The following PCYT1A variants were observed in gnomAD, a reference collection of about 807,000 sequenced individuals.
PCYT1A encodes the protein phosphate cytidylyltransferase 1A, choline, also known as choline-phosphate cytidylyltransferase A.
A neutral mutation model predicts 43.7 loss-of-function variants in PCYT1A; 25 were observed. The ratio of observed to expected loss-of-function variants is 0.57; its 90% CI spans 0.42 to 0.80. The LOEUF is 0.80. Among genes scored for constraint, PCYT1A ranks in the 30% least tolerant of loss-of-function variants. The pLI is 0.00. For missense variants in PCYT1A, 421 were observed against 474.2 expected (o/e 0.89, Z 1.04); for synonymous variants, 172 against 170.7 (o/e 1.01, Z -0.06).
Position 196,271,034 on chromosome 3 carries a change from A to T in PCYT1A, c.-10-493T>A, listed in dbSNP as rs146811832. Among the ~76,000 whole-genome samples, 1,307 of 151,950 alleles carry T rather than the reference A, an allele frequency of 8.6e-3. 19 individuals are homozygous for T. The highest frequency in any genetic ancestry group is 0.03 in the African/African-American group (1,250 of 41,438). ...ACAAAACACGGATTTCTTAACTCTA[A>T]TTTTTTTTAAGACGGGGTCTCACTC... On this transcript the variant is annotated intron_variant, in intron 1 of 8. Coordinates refer to ENST00000431016, the MANE Select transcript of PCYT1A (RefSeq NM_001312673.2).
chr3:196,248,732 T>G (rs904603824), intron 3 of PCYT1A, among the ~76,000 whole-genome samples: 1 of 151,816 alleles, frequency 6.6e-6, no homozygotes. Flanking sequence ...TGTGTGACAG[T>G]TCCATGACTG....
At chr3:196,254,344 A>C (rs1004571777) in intron 3 of PCYT1A, among the ~76,000 whole-genome samples, 1 of 151,196 alleles carries the variant, frequency 6.6e-6, no homozygotes, top group African/African-American at 2.4e-5. Context: ...TATTTTTTTA[A>C]TTTTTATTTA....
At chr3:196,279,203 A>G (rs12629949) in intron 1 of PCYT1A, among the ~76,000 whole-genome samples, 54,463 of 149,910 alleles carry the variant, frequency 0.36, 10,619 homozygotes, top group East Asian at 0.81. Flanking sequence ...CAGGAGAATC[A>G]TTTGAACCCA....
rs545127933 is a variant in PCYT1A at position 196,250,763 on chromosome 3, A to G, written c.218-2440T>C. On this transcript the variant is annotated intron_variant, in intron 3 of 8. Coordinates refer to ENST00000431016, the MANE Select transcript of PCYT1A (RefSeq NM_001312673.2). ...GCTGAGGCTGAGGATCAGATATATT[A>G]TGCCGAGGTTGAGGACCAGATACAC... 3 of 166,764 alleles carry G rather than the reference A, an allele frequency of 1.8e-5. No individual in the cohort carries two copies. In the Admixed American group the frequency reaches 1.9e-4, roughly 11 times the overall value. 10.3% of individuals were successfully genotyped at this position (166,764 alleles called of 1,614,324 possible). A position where few individuals can be genotyped will look rare whatever the true frequency, so the allele number is the denominator to read the frequency against.
At chr3:196,279,330 GT>G (rs76358128) in intron 1 of PCYT1A, among the ~76,000 whole-genome samples, 54,248 of 149,074 alleles carry the variant, frequency 0.36, 10,564 homozygotes, top group East Asian at 0.81. Context: ...TACAGCAATT[GT>G]TAAGACCTGA....
rs1488173513 is a variant in PCYT1A at position 196,234,789 on chromosome 3, T to A, written c.*3899A>T. On this transcript the variant is annotated 3_prime_UTR_variant, in exon 9 of 9. Coordinates refer to ENST00000431016, the MANE Select transcript of PCYT1A (RefSeq NM_001312673.2). ...AGAAAATTAACATTTAATGGTATAA[T>A]CCCAAGAACATGTTCTACTTATTTA... 3 of 152,114 alleles carry A rather than the reference T, an allele frequency of 2.0e-5. No individual in the cohort carries two copies. Among genetic ancestry groups the A allele is most frequent in the African/African-American group, 7.2e-5 (3 of 41,412 alleles). The allele number at this position is 152,114 out of a possible 1,614,324, so 9.4% of individuals were successfully genotyped here.
intron 7 of PCYT1A, 127 bp from the exon 8 acceptor site, chr3:196,239,862 T>TA: frequency 1.5e-6 from 1 of 663,500 alleles, no homozygotes; most frequent in Non-Finnish European, 2.7e-6. Context: ...TGCTTTGCTT[T>TA]AATCTACCCC....
At chr3:196,243,496 CTCTCCCCTCTCCCT>C (rs1179117544) in intron 5 of PCYT1A, among the ~76,000 whole-genome samples, 3 of 151,596 alleles carry the variant, frequency 2.0e-5, no homozygotes, top group African/African-American at 2.4e-5. Context: ...AGTTTTCTCC[CTCTCCCCTCTCCCT>C]TCTCCCCTCT....
chr3:196,277,872 C>G lies in PCYT1A; in HGVS notation c.-10-7331G>C, dbSNP rs1369099881. Among the ~76,000 whole-genome samples, 1 of 152,172 alleles carries G rather than the reference C, an allele frequency of 6.6e-6. No individual in the cohort carries two copies. The highest frequency in any genetic ancestry group is 2.4e-5 in the African/African-American group (1 of 41,442). On this transcript the variant is annotated intron_variant, in intron 1 of 8. Transcript: ENST00000431016. The surrounding 1 kb of genome is among the most constrained non-coding windows in gnomAD (Gnocchi z 4.1). ...TGGGCGACAGAGCGAGACTTTGTCT[C>G]AAAATAATAATAACAATAATAAACT... is the stretch of plus-strand genomic sequence containing the variant.
chr3:196,246,496 A>G (rs762572546), intron 5 of PCYT1A, among the ~76,000 whole-genome samples: 1 of 151,882 alleles, frequency 6.6e-6, no homozygotes, highest in Non-Finnish European at 1.5e-5. Context: ...TTGGCCTCCC[A>G]AAGTGCTTGG....
rs3087896 is a variant in PCYT1A, at chr3:196,238,447, G to T, written c.*241C>A. ...ATAAACAGTGAAACAAAGCCCTTGG[G>T]GGGGGGTAAATGGATGCAGAGCAGG... On this transcript the variant is annotated 3_prime_UTR_variant, in exon 9 of 9. Coordinates refer to ENST00000431016, the MANE Select transcript of PCYT1A (RefSeq NM_001312673.2). 259 of 357,628 alleles carry T rather than the reference G, an allele frequency of 7.2e-4. 1 individual carries two copies. The highest frequency in any genetic ancestry group is 2.7e-3 in the South Asian group (19 of 6,950). The allele number at this position is 357,628 out of a possible 1,614,324, so 22.2% of individuals were successfully genotyped here.
At chr3:196,241,757 G>C in intron 7 of PCYT1A, 191 bp downstream of exon 7, 1 of 1,204,334 alleles carries the variant, frequency 8.3e-7, no homozygotes, top group Non-Finnish European at 1.2e-6. Context: ...GAATGTGTTG[G>C]TACCAGACCG....
chr3:196,250,210 C>T (rs1483103725), intron 3 of PCYT1A, among the ~76,000 whole-genome samples: 34 of 142,216 alleles, frequency 2.4e-4, no homozygotes, highest in South Asian at 4.8e-4. Flanking sequence ...AGGCAGAGGA[C>T]CAGGTACACC....
chr3:196,267,538 A>AC (rs1725312413), intron 2 of PCYT1A, among the ~76,000 whole-genome samples: 1 of 151,974 alleles, frequency 6.6e-6, no homozygotes, highest in African/African-American at 2.4e-5. Flanking sequence ...ACATAGTGAG[A>AC]CCCCATCCCT....
rs368322216 is a variant in PCYT1A, at chr3:196,247,448, T to G, written c.405A>C (p.Ala135=). Reference sequence around the variant, plus strand: ...CATCCACGTAGCGGCAGTGCTGGACTGCGTCATAGCGCTCATTCTCGTTCA... The same window carrying G: ...CATCCACGTAGCGGCAGTGCTGGACGGCGTCATAGCGCTCATTCTCGTTCA... The part of the protein sequence containing the change: ...TVMNENERYD[A]VQHCRYVDEV... The change falls in exon 5 of 9, where the codon GCA becomes GCC. Residue 135 remains alanine (A), a synonymous_variant. Transcript: ENST00000431016. This position sits in a 1 kb window ranked among gnomAD's most constrained non-coding sequence, Gnocchi z 4.8. 6 of 1,614,182 alleles carry G rather than the reference T, an allele frequency of 3.7e-6. No homozygotes were observed. The highest frequency in any genetic ancestry group is 5.1e-6 in the Non-Finnish European group (6 of 1,179,968).
At chr3:196,243,879 C>G (rs1013848750) in intron 5 of PCYT1A, among the ~76,000 whole-genome samples, 1 of 126,714 alleles carries the variant, frequency 7.9e-6, no homozygotes, top group East Asian at 2.3e-4. Flanking sequence ...GATCTCGGCT[C>G]GCTACAACCT....
chr3:196,281,088 G>A (rs1725758856), intron 1 of PCYT1A, among the ~76,000 whole-genome samples: 1 of 152,154 alleles, frequency 6.6e-6, no homozygotes, highest in African/African-American at 2.4e-5. Flanking sequence ...AAAACCCAAT[G>A]CCCAGTATTT....
At chr3:196,275,942 A>C (rs1448617894) in intron 1 of PCYT1A, among the ~76,000 whole-genome samples, 4 of 150,920 alleles carry the variant, frequency 2.7e-5, no homozygotes, top group Admixed American at 6.6e-5. Flanking sequence ...CTAAAAATAC[A>C]AAAAATTAGC....
intron 5 of PCYT1A, among the ~76,000 whole-genome samples, chr3:196,245,621 T>C (rs1724540162): frequency 6.6e-6 from 1 of 152,040 alleles, no homozygotes; most frequent in Non-Finnish European, 1.5e-5. Flanking sequence ...GTGTGAAGCA[T>C]GTTCATTGGG....
Sources: allele counts gnomAD v4.1 joint callset (sites outside exome capture counted in the v4.1 genomes callset), GRCh38; gene constraint gnomAD v4.1.1; non-coding constraint Gnocchi (gnomAD v3.1); transcripts MANE v1.5; gene names NCBI Gene and HGNC (gene_info 2026-07-23, HGNC 2026-07-21).